Variants in GMDS observed in about 807,000 individuals in gnomAD.
GMDS encodes the protein GDP-mannose 4,6-dehydratase.
GMDS carries 20 observed loss-of-function variants against 49.9 expected under a neutral mutation model. The ratio of observed to expected loss-of-function variants is 0.40; its 90% CI spans 0.28 to 0.58. The LOEUF (loss-of-function observed/expected upper bound fraction) is 0.58, where lower values mean the gene tolerates loss of function less well. Ranked by LOEUF, GMDS falls within the 20% of genes least tolerant of loss-of-function variation. GMDS has a pLI of 0.42. For missense variants in GMDS, 362 were observed against 481.4 expected, an observed-to-expected ratio of 0.75 and a Z score of 2.32; for synonymous variants, 177 against 178.6, an observed-to-expected ratio of 0.99 and a Z score of 0.07.
chr6:1,928,601 T>C (rs529101114), intron 7 of GMDS, among the ~76,000 whole-genome samples: 2 of 152,326 alleles, frequency 1.3e-5, no homozygotes, highest in African/African-American at 4.8e-5. Context: ...TTTTTTGATG[T>C]GATGTTCTGA....
intron 4 of GMDS, among the ~76,000 whole-genome samples, chr6:2,039,899 T>C (rs1769553996): frequency 6.6e-6 from 1 of 152,190 alleles, no homozygotes; most frequent in South Asian, 2.1e-4. Flanking sequence ...TATCAAGTAT[T>C]ATGTACAGTA....
intron 1 of GMDS, among the ~76,000 whole-genome samples, chr6:2,202,997 T>C (rs1203732047): frequency 6.6e-6 from 1 of 152,180 alleles, no homozygotes; most frequent in African/African-American, 2.4e-5. Flanking sequence ...TCCTGCCACA[T>C]TTTCATTTGC....
chr6:1,914,127 G>GTTTTTTTTT (rs1225983780), intron 7 of GMDS, among the ~76,000 whole-genome samples: 1 of 50,016 alleles, frequency 2.0e-5, no homozygotes, highest in African/African-American at 9.3e-5. Flanking sequence ...AGCGTTTTTT[G>GTTTTTTTTT]TTTGTTTTTT....
intron 1 of GMDS, among the ~76,000 whole-genome samples, chr6:2,129,517 G>A (rs1276202227): frequency 6.6e-6 from 1 of 152,144 alleles, no homozygotes. Flanking sequence ...ATGGTACTGG[G>A]CTAAAGAAAC....
intron 4 of GMDS, among the ~76,000 whole-genome samples, chr6:2,007,930 C>G (rs1561969393): frequency 6.6e-6 from 1 of 152,046 alleles, no homozygotes; most frequent in Non-Finnish European, 1.5e-5. Flanking sequence ...GTATTTGGTT[C>G]CACAAGTTTT....
intron 7 of GMDS, among the ~76,000 whole-genome samples, chr6:1,843,948 T>C (rs1011201745): frequency 6.6e-6 from 1 of 152,180 alleles, no homozygotes; most frequent in Non-Finnish European, 1.5e-5. Flanking sequence ...AGAGCTGTGG[T>C]GTCGGCTTGT....
chr6:1,787,883 T>C (rs900141111), intron 7 of GMDS, among the ~76,000 whole-genome samples: 2 of 152,184 alleles, frequency 1.3e-5, no homozygotes, highest in Non-Finnish European at 2.9e-5. Flanking sequence ...AAGAGGAGTG[T>C]GTACAGGACT....
At chr6:2,035,587 G>A (rs1769256066) in intron 4 of GMDS, among the ~76,000 whole-genome samples, 1 of 152,084 alleles carries the variant, frequency 6.6e-6, no homozygotes, top group East Asian at 1.9e-4. Flanking sequence ...TCAAATTTGT[G>A]TCAATTATAT....
intron 4 of GMDS, among the ~76,000 whole-genome samples, chr6:2,094,819 G>C (rs923136772): frequency 5.9e-5 from 9 of 152,128 alleles, no homozygotes; most frequent in Admixed American, 6.5e-5. Context: ...CATGTGGTCA[G>C]GGAAGCTACA....
intron 7 of GMDS, among the ~76,000 whole-genome samples, chr6:1,879,215 A>G (rs1759245992): frequency 6.6e-6 from 1 of 152,276 alleles, no homozygotes; most frequent in Non-Finnish European, 1.5e-5. Flanking sequence ...AAAATTAAGT[A>G]AAAATTAAAA....
chr6:2,234,382 C>A (rs535980911), intron 1 of GMDS, among the ~76,000 whole-genome samples: 4 of 152,258 alleles, frequency 2.6e-5, no homozygotes, highest in African/African-American at 9.6e-5. Context: ...CCGAGGCAGG[C>A]AGATCACCTG....
At chr6:1,896,400 CAA>C in intron 7 of GMDS, among the ~76,000 whole-genome samples, 1 of 152,244 alleles carries the variant, frequency 6.6e-6, no homozygotes, top group South Asian at 2.1e-4. Flanking sequence ...GTGAGAATAA[CAA>C]GAGGGAAGGA....
rs1434258292 is a variant in GMDS at position 2,191,491 on chromosome 6, G to A, written c.102+53830C>T. Among the ~76,000 whole-genome samples the A allele has an allele frequency of 1.3e-5, 2 of 152,180 alleles. No homozygotes were observed. The highest frequency in any genetic ancestry group is 2.9e-5 in the Non-Finnish European group (2 of 68,020). ...GCCGCCCAGGTGGGGCTGTGGACCC[G>A]GGCCTCTCTGCACTCTTGGGGGCCC... On this transcript the variant is annotated intron_variant, in intron 1 of 10. Transcript: ENST00000380815. This position sits in a 1 kb window ranked among gnomAD's most constrained non-coding sequence, Gnocchi z 4.6.
Position 2,113,777 on chromosome 6 carries a change from G to A in GMDS, c.345+1994C>T, listed in dbSNP as rs142927324. Reference sequence around the variant, plus strand: ...AGAGGTGTATCTGACACAGCTTTTCGTACTGTACCATGCATGACACCTTGC... The same window carrying A: ...AGAGGTGTATCTGACACAGCTTTTCATACTGTACCATGCATGACACCTTGC... On this transcript the variant is annotated intron_variant, in intron 4 of 10. Transcript: ENST00000380815. 1.2e-4 allele frequency among the ~76,000 whole-genome samples: 19 copies of A among 152,060 alleles called. No individual in the cohort carries two copies. In the East Asian group the frequency reaches 1.7e-3, roughly 14 times the overall value.
intron 7 of GMDS, among the ~76,000 whole-genome samples, chr6:1,915,418 C>A (rs1242511294): frequency 6.6e-6 from 1 of 152,212 alleles, no homozygotes; most frequent in Non-Finnish European, 1.5e-5. Context: ...CTGAGCAGGG[C>A]AGGACTCCAA....
intron 9 of GMDS, among the ~76,000 whole-genome samples, chr6:1,714,770 C>G (rs1766111936): frequency 6.6e-6 from 1 of 152,262 alleles, no homozygotes; most frequent in Non-Finnish European, 1.5e-5. Flanking sequence ...CCTTGGATGC[C>G]TTTTGCATAT....
chr6:2,188,976 A>G lies in GMDS; in HGVS notation c.102+56345T>C, dbSNP rs181077341. Among the ~76,000 whole-genome samples, 8 of 152,330 alleles carry G rather than the reference A, an allele frequency of 5.3e-5. No homozygotes were observed. In the East Asian group the frequency reaches 1.5e-3, roughly 29 times the overall value. ...GAGAGAGAACTGGGGTGACCGTGTC[A>G]CAAAGCTAGAACACTTGGCTGAAGA... On this transcript the variant is annotated intron_variant, in intron 1 of 10. Coordinates refer to ENST00000380815, the MANE Select transcript of GMDS (RefSeq NM_001500.4).
At chr6:1,634,775 C>T (rs1324963219) in intron 9 of GMDS, among the ~76,000 whole-genome samples, 2 of 152,076 alleles carry the variant, frequency 1.3e-5, no homozygotes, top group Non-Finnish European at 2.9e-5. Flanking sequence ...TAAGAGACTC[C>T]AGTCACAGAT....
chr6:1,667,869 A>G (rs528877240), intron 9 of GMDS, among the ~76,000 whole-genome samples: 22 of 152,098 alleles, frequency 1.4e-4, no homozygotes, highest in Non-Finnish European at 2.8e-4. Flanking sequence ...AGAGGAATTG[A>G]ACATATTTAC....
Sources: gnomAD v4.1 joint callset for allele counts (sites outside exome capture counted in the v4.1 genomes callset) on GRCh38, gnomAD v4.1.1 for gene constraint, Gnocchi (gnomAD v3.1) non-coding constraint, MANE v1.5 for transcripts, NCBI Gene and HGNC (gene_info 2026-07-23, HGNC 2026-07-21) for gene names.